COL6A3: variants seen among roughly 807,000 people sequenced by gnomAD.
The protein encoded by COL6A3 is collagen alpha-3(VI) chain.
COL6A3 carries 137 observed loss-of-function variants against 274.1 expected under a neutral mutation model. The ratio of observed to expected loss-of-function variants is 0.50; its 90% CI spans 0.44 to 0.58. The LOEUF (loss-of-function observed/expected upper bound fraction) is 0.58, where lower values mean the gene tolerates loss of function less well. COL6A3 is among the 20% of genes least tolerant of loss of function. The pLI is 0.00. For synonymous variants in COL6A3, 1,650 were observed against 1,650.6 expected, an observed-to-expected ratio of 1.00 and a Z score of 0.01; for missense variants, 3,950 against 4,124.9, an observed-to-expected ratio of 0.96 and a Z score of 1.16.
rs200875680 is a variant in COL6A3 at position 237,330,498 on chromosome 2, TA to T, written c.9328+2951del. Among the ~76,000 whole-genome samples the T allele has an allele frequency of 2.3e-3, 357 of 152,258 alleles. 2 individuals are homozygous for T. Among genetic ancestry groups the T allele is most frequent in the African/African-American group, 7.5e-3 (313 of 41,538 alleles). ...TTGTGGGGGTTCATTTGGTTTTATT[TA>T]AAAAAATACAAATATTAACCACTGA... is the stretch of plus-strand genomic sequence containing the variant. On this transcript the variant is annotated intron_variant, in intron 42 of 43. Coordinates refer to ENST00000295550, the MANE Select transcript of COL6A3 (RefSeq NM_004369.4).
chr2:237,391,476 T>C (rs2078285538), intron 3 of COL6A3, among the ~76,000 whole-genome samples: 1 of 152,068 alleles, frequency 6.6e-6, no homozygotes, highest in Admixed American at 6.5e-5. Context: ...CAATAAAAGA[T>C]GTTCCATTTC....
At chr2:237,354,314 G>A (rs942455664) in intron 24 of COL6A3, among the ~76,000 whole-genome samples, 16 of 132,690 alleles carry the variant, frequency 1.2e-4, no homozygotes, top group Non-Finnish European at 2.0e-4. Flanking sequence ...CACCGTCCTG[G>A]CCAGATTTTT....
rs1341644527 is a variant in COL6A3 at position 237,357,322 on chromosome 2, C to G, written c.6591+16G>C. ...AGAATTGTCACAGAGCCCCCCAAAG[C>G]CCTAATGGCACTCACATTCTTCCCA... On this transcript the variant is annotated intron_variant, in intron 23 of 43. Coordinates refer to ENST00000295550, the MANE Select transcript of COL6A3 (RefSeq NM_004369.4). The G allele has an allele frequency of 6.2e-7, 1 of 1,612,932 alleles. No individual in the cohort carries two copies. The highest frequency in any genetic ancestry group is 8.5e-7 in the Non-Finnish European group (1 of 1,178,852).
In COL6A3 at chr2:237,374,883, C is replaced by T; in HGVS notation, c.3208G>A (p.Val1070Met). 2 of 1,613,916 alleles carry T rather than the reference C, an allele frequency of 1.2e-6. No homozygotes were observed. Among genetic ancestry groups the T allele is most frequent in the Middle Eastern group, 1.6e-4 (1 of 6,062 alleles). The change falls in exon 8 of 44, where the codon GTG becomes ATG. Residue 1070 changes from valine (V) to methionine (M), a missense_variant. Physicochemically the swap from Val to Met is conservative, Grantham distance 21. Transcript: ENST00000295550. This position sits in a 1 kb window ranked among gnomAD's most constrained non-coding sequence, Gnocchi z 4.8. The stretch of plus-strand genomic sequence containing the variant: ...GGCCTGGTCCGGTCGCTGTACTGCA[C>T]CACGGCCACGCGGACCCGGTCCTGG... ...VGQDRVRVAV[V>M]QYSDRTRPEF... is the part of the protein sequence containing the mutation.
chr2:237,357,752 C>A, intron 22 of COL6A3, 65 bp downstream of exon 22: 2 of 1,530,144 alleles, frequency 1.3e-6, no homozygotes, highest in South Asian at 2.2e-5. Context: ...TGCTGATGAG[C>A]CGAGAAGTGT....
intron 2 of COL6A3, 54 bp from the exon 3 acceptor site, chr2:237,395,258 T>C: frequency 1.3e-6 from 2 of 1,594,982 alleles, no homozygotes; most frequent in South Asian, 1.1e-5. Context: ...AATTACTTCC[T>C]ATCAATGCAA....
rs756249024 is a variant in COL6A3, at chr2:237,371,799, C to G, written c.4218G>C (p.Thr1406=). 2 of 1,613,846 alleles carry G rather than the reference C, an allele frequency of 1.2e-6. No homozygotes were observed. The highest frequency in any genetic ancestry group is 1.7e-6 in the Non-Finnish European group (2 of 1,180,028). The change falls in exon 9 of 44, where the codon ACG becomes ACC. Residue 1406 remains threonine, a synonymous_variant. Coordinates refer to ENST00000295550, the MANE Select transcript of COL6A3 (RefSeq NM_004369.4). The surrounding 1 kb of genome is among the most constrained non-coding windows in gnomAD (Gnocchi z 4.3). ...GCTCTGAGGTCAGGGTCGTGATGGGCGTCAGCAGTTTCTGCTCCAGGCTGG... is the reference window on the plus strand; with the variant it reads ...GCTCTGAGGTCAGGGTCGTGATGGGGGTCAGCAGTTTCTGCTCCAGGCTGG... ...ELPSLEQKLL[T]PITTLTSEQI...
Position 237,387,802 on chromosome 2 carries a change from G to A in COL6A3, c.1092C>T (p.Tyr364=), listed in dbSNP as rs548519047. ...SAGPSSDEIR[Y]GVVALKQASV... is the part of the protein sequence containing the mutation. ...TAGCCTGCTTCAGTGCTACCACCCCGTAGCGAATCTCGTCACTAGAAGGCC... is the reference window on the plus strand; with the variant it reads ...TAGCCTGCTTCAGTGCTACCACCCCATAGCGAATCTCGTCACTAGAAGGCC... Residue 364 remains tyrosine (Y), a synonymous_variant, in exon 4 of 44, where the codon TAC becomes TAT. Transcript: ENST00000295550. The A allele has an allele frequency of 3.1e-5, 50 of 1,614,004 alleles. 1 individual carries two copies. In the East Asian group the frequency reaches 6.0e-4, roughly 19 times the overall value.
chr2:237,409,528 GTTTT>G (rs200283913), intron 1 of COL6A3, among the ~76,000 whole-genome samples: 3 of 150,852 alleles, frequency 2.0e-5, no homozygotes, highest in Non-Finnish European at 1.5e-5. Flanking sequence ...TTAGGTTTTT[GTTTT>G]TTTTGTTTGT....
chr2:237,332,410 A>G (rs1024612588), intron 42 of COL6A3, among the ~76,000 whole-genome samples: 5 of 152,090 alleles, frequency 3.3e-5, no homozygotes, highest in Non-Finnish European at 5.9e-5. Context: ...GATTTCAGCA[A>G]CTTTGAAGTT....
intron 17 of COL6A3, 66 bp from the exon 18 acceptor site, chr2:237,359,454 G>A: frequency 3.9e-6 from 6 of 1,553,028 alleles, no homozygotes; most frequent in Non-Finnish European, 5.3e-6. Context: ...GGGCAGAAGA[G>A]GCCAAGGGCT....
At chr2:237,334,972 G>T in intron 40 of COL6A3, 83 bp from the exon 41 acceptor site, 1 of 1,525,518 alleles carries the variant, frequency 6.6e-7, no homozygotes, top group Non-Finnish European at 9.1e-7. Context: ...AATCTGAAAG[G>T]GATGTGTTAA....
intron 1 of COL6A3, among the ~76,000 whole-genome samples, chr2:237,403,901 C>A (rs1369851151): frequency 6.6e-6 from 1 of 151,856 alleles, no homozygotes; most frequent in Non-Finnish European, 1.5e-5. Context: ...ACCTTCCAGA[C>A]TTTTCCACCA....
chr2:237,382,531 C>A (rs2078034885), intron 4 of COL6A3, among the ~76,000 whole-genome samples: 3 of 152,250 alleles, frequency 2.0e-5, no homozygotes, highest in Non-Finnish European at 4.4e-5. Context: ...GCACCCTGCC[C>A]ATATTGCAAG....
rs751945310 is a variant in COL6A3 at position 237,341,041 on chromosome 2, G to A, written c.7875C>T (p.Asp2625=). ...GGAACAGGGTGGTGGTCTCAGCGCT[G>A]TCTAAGATGAAAGCCATGTCGATGT... is the stretch of plus-strand genomic sequence containing the variant. ...DVDIDMAFIL[D]SAETTTLFQF... Residue 2625 remains aspartate (D), a synonymous_variant, in exon 38 of 44, where the codon GAC becomes GAT. Transcript: ENST00000295550. The A allele has an allele frequency of 1.2e-6, 2 of 1,614,162 alleles. No individual in the cohort carries two copies. Among genetic ancestry groups the A allele is most frequent in the Non-Finnish European group, 1.7e-6 (2 of 1,180,036 alleles).
chr2:237,372,272 G>A lies in COL6A3; in HGVS notation c.3745C>T (p.Gln1249Ter). 1 of 1,613,468 alleles carries A rather than the reference G, an allele frequency of 6.2e-7. No individual in the cohort carries two copies. Among genetic ancestry groups the A allele is most frequent in the Non-Finnish European group, 8.5e-7 (1 of 1,180,042 alleles). Residue 1249 changes from glutamine (Q) to a stop codon, truncating the protein, a stop_gained, in exon 9 of 44, where the codon CAG becomes TAG. Coordinates refer to ENST00000295550, the MANE Select transcript of COL6A3 (RefSeq NM_004369.4). LOFTEE classifies it high-confidence loss of function. Reference sequence around the variant, plus strand: ...CTCTCTATGAGGGTGCGAACGTACTGGAACTCAGGCCCGGCACTTTGGGAC... The same window carrying A: ...CTCTCTATGAGGGTGCGAACGTACTAGAACTCAGGCCCGGCACTTTGGGAC... Reference protein sequence around the residue: ...DGSQSAGPEFQYVRTLIERLV... With the variant: ...DGSQSAGPEF
intron 43 of COL6A3, 120 bp downstream of exon 43, chr2:237,325,440 A>G (rs1699888083): frequency 8.8e-7 from 1 of 1,139,052 alleles, no homozygotes; most frequent in Non-Finnish European, 1.3e-6. Context: ...ATCTGAGGAT[A>G]CACTTTATCT....
intron 2 of COL6A3, 77 bp from the exon 3 acceptor site, chr2:237,395,281 C>A: frequency 6.5e-7 from 1 of 1,527,994 alleles, no homozygotes; most frequent in Non-Finnish European, 9.0e-7. Context: ...CCTTCCTAAA[C>A]AAATTTGGTT....
At position 237,369,097 on chromosome 2, in the gene COL6A3, G is replaced by A. The variant is rs781043870; in HGVS notation, c.4366C>T (p.Arg1456Ter). 5 of 1,614,172 alleles carry A rather than the reference G, an allele frequency of 3.1e-6. No homozygotes were observed. Among genetic ancestry groups the A allele is most frequent in the Admixed American group, 1.7e-5 (1 of 60,024 alleles). ...CGAACAATCCTGCTAACAAAATCTC[G>A]AATATGTGCAAAGCCATCTGGCCTA... ...GVRPDGFAHIRDFVSRIVRRL... is the reference protein window; with the variant it reads ...GVRPDGFAHI Residue 1456 changes from arginine (R) to a stop codon, truncating the protein, a stop_gained, in exon 10 of 44, where the codon CGA becomes TGA. Coordinates refer to ENST00000295550, the MANE Select transcript of COL6A3 (RefSeq NM_004369.4). LOFTEE classifies it high-confidence loss of function.
Sources: allele counts gnomAD v4.1 joint callset (sites outside exome capture counted in the v4.1 genomes callset), GRCh38; gene constraint gnomAD v4.1.1; non-coding constraint Gnocchi (gnomAD v3.1); transcripts MANE v1.5; gene names NCBI Gene and HGNC (gene_info 2026-07-23, HGNC 2026-07-21).